Variants in MCOLN2 observed in about 807,000 individuals in gnomAD.
The protein encoded by MCOLN2 is mucolipin-2.
Under a neutral mutation model 67.5 loss-of-function variants are expected in MCOLN2, and 57 were observed. That is an observed-to-expected ratio of 0.84 (90% confidence interval 0.68 to 1.05). The LOEUF (loss-of-function observed/expected upper bound fraction) is 1.05. Ranked by LOEUF, MCOLN2 falls within the 50% of genes least tolerant of loss-of-function variation. The probability of loss-of-function intolerance (pLI) is 0.00; values close to 1 mark genes in which losing one functional copy is unlikely to be tolerated. For missense variants in MCOLN2, 620 were observed against 678.8 expected (o/e 0.91, Z 0.96); for synonymous variants, 246 against 233.3 (o/e 1.05, Z -0.50).
chr1:84,951,487 TAA>T (rs1357450584), intron 6 of MCOLN2, among the ~76,000 whole-genome samples: 1 of 152,076 alleles, frequency 6.6e-6, no homozygotes, highest in Non-Finnish European at 1.5e-5. Context: ...CCTCCCAAAA[TAA>T]AAAGAGAAAC....
intron 1 of MCOLN2, among the ~76,000 whole-genome samples, chr1:84,984,532 T>C (rs1440233569): frequency 6.6e-6 from 1 of 152,254 alleles, no homozygotes; most frequent in African/African-American, 2.4e-5. Context: ...CTTCTTTCTT[T>C]ACTCTCTCAT....
In MCOLN2 at chr1:84,929,608, C is replaced by T. The variant is rs370198725; in HGVS notation, c.1614G>A (p.Glu538=). ...GGAAGGCTGAGGACTCTTTCTGATACTCTTCTTTGCTACTGCATTCCTTCA... is the reference window on the plus strand; with the variant it reads ...GGAAGGCTGAGGACTCTTTCTGATATTCTTCTTTGCTACTGCATTCCTTCA... The part of the protein sequence containing the change: ...EFLKECSSKE[E]YQKESSAFLS... The change falls in exon 13 of 14, where the codon GAG becomes GAA. Residue 538 remains glutamate (E), a synonymous_variant. Coordinates refer to ENST00000370608, the MANE Select transcript of MCOLN2 (RefSeq NM_153259.4). The T allele has an allele frequency of 1.9e-6, 3 of 1,613,836 alleles. No individual in the cohort carries two copies. The highest frequency in any genetic ancestry group is 1.1e-5 in the South Asian group (1 of 91,052).
intron 1 of MCOLN2, among the ~76,000 whole-genome samples, chr1:84,971,215 T>G (rs1183487301): frequency 6.6e-6 from 1 of 152,018 alleles, no homozygotes; most frequent in Non-Finnish European, 1.5e-5. Context: ...ACTAGTCAAC[T>G]GATGAAAAAA....
At chr1:84,929,976 G>A (rs989510193) in intron 12 of MCOLN2, 2 of 215,426 alleles carry the variant, frequency 9.3e-6, no homozygotes, top group African/African-American at 4.7e-5. Flanking sequence ...AAAGTCAAAT[G>A]TCTAGTCTGG....
At chr1:84,956,349 A>T (rs1648789762) in intron 4 of MCOLN2, 82 bp downstream of exon 4, 13 of 1,435,740 alleles carry the variant, frequency 9.1e-6, no homozygotes, top group Non-Finnish European at 1.2e-5. Flanking sequence ...AAGTTTTTCC[A>T]TCTGGGTTGC....
rs772028896 is a variant in MCOLN2 at position 84,938,036 on chromosome 1, G to A, written c.1157C>T (p.Thr386Met). 2.2e-5 allele frequency: 36 copies of A among 1,613,726 alleles called. No homozygotes were observed. The highest frequency in any genetic ancestry group is 1.2e-4 in the Admixed American group (7 of 59,942). The change falls in exon 10 of 14, where the codon ACG becomes ATG. Residue 386 changes from threonine (T) to methionine (M), a missense_variant. Physicochemically the swap from Thr to Met is moderately conservative, Grantham distance 81 (BLOSUM62 -1). Transcript: ENST00000370608. ...GATGACTCCAACCCAAACCAAGAGCGTAGAGGTTCCAAGAAAAATGCTGCA... is the reference window on the plus strand; with the variant it reads ...GATGACTCCAACCCAAACCAAGAGCATAGAGGTTCCAAGAAAAATGCTGCA... ...DLCSIFLGTSTLLVWVGVIRY... is the reference protein window; with the variant it reads ...DLCSIFLGTSMLLVWVGVIRY...
chr1:84,996,262 C>G (rs1399422886), intron 1 of MCOLN2, among the ~76,000 whole-genome samples: 1 of 151,916 alleles, frequency 6.6e-6, no homozygotes. Flanking sequence ...TCCTGACACC[C>G]ATAAGAAACC....
At chr1:84,976,594 C>T (rs958753776) in intron 1 of MCOLN2, among the ~76,000 whole-genome samples, 4 of 152,046 alleles carry the variant, frequency 2.6e-5, no homozygotes, top group Non-Finnish European at 4.4e-5. Context: ...GATGAAACCC[C>T]GTCTCTACTA....
At chr1:84,940,800 C>A in intron 8 of MCOLN2, 79 bp downstream of exon 8, 2 of 863,810 alleles carry the variant, frequency 2.3e-6, no homozygotes, top group South Asian at 3.5e-5. Context: ...GGCAGGTGCA[C>A]AATATCGGTG....
intron 1 of MCOLN2, among the ~76,000 whole-genome samples, chr1:84,980,501 G>C (rs984170902): frequency 3.9e-5 from 6 of 152,096 alleles, no homozygotes; most frequent in African/African-American, 1.2e-4. Flanking sequence ...GAATGGAATA[G>C]AGAACCCAGA....
chr1:84,987,463 TATATATAG>T (rs1357486812), intron 1 of MCOLN2, among the ~76,000 whole-genome samples: 72 of 102,932 alleles, frequency 7.0e-4, no homozygotes, highest in East Asian at 1.1e-3. Flanking sequence ...TACATATATG[TATATATAG>T]ATATATATAC....
chr1:84,948,712 G>A (rs973493991), intron 6 of MCOLN2, among the ~76,000 whole-genome samples: 1 of 152,184 alleles, frequency 6.6e-6, no homozygotes, highest in African/African-American at 2.4e-5. Context: ...ATTTGATTGA[G>A]AAATTCAACA....
In MCOLN2 at chr1:84,958,546, A is replaced by G; in HGVS notation, c.394T>C (p.Phe132Leu). Residue 132 changes from phenylalanine to leucine, a missense_variant, in exon 3 of 14, where the codon TTT becomes CTT. Coordinates refer to ENST00000370608, the MANE Select transcript of MCOLN2 (RefSeq NM_153259.4). The part of the protein sequence containing the change: ...YTQEDAYESI[F>L]FAINQYHQLK... ...ACACTTGCCTGATTAATAGCAAAAA[A>G]GATGCTCTCATAGGCATCCTCTTGA... 1 of 1,602,600 alleles carries G rather than the reference A, an allele frequency of 6.2e-7. No homozygotes were observed. Among genetic ancestry groups the G allele is most frequent in the Non-Finnish European group, 8.5e-7 (1 of 1,177,732 alleles).
At chr1:84,956,341 G>T in intron 4 of MCOLN2, 90 bp downstream of exon 4, 2 of 1,380,494 alleles carry the variant, frequency 1.4e-6, no homozygotes, top group Non-Finnish European at 2.0e-6. Context: ...CCAAAGCAAA[G>T]TTTTTCCATC....
chr1:84,984,430 T>A (rs1034916387), intron 1 of MCOLN2, among the ~76,000 whole-genome samples: 1 of 152,188 alleles, frequency 6.6e-6, no homozygotes, highest in Non-Finnish European at 1.5e-5. Flanking sequence ...ATCTACCTGG[T>A]TGCTTTCTAA....
intron 9 of MCOLN2, among the ~76,000 whole-genome samples, chr1:84,939,001 G>T (rs1024385261): frequency 6.6e-6 from 1 of 152,178 alleles, no homozygotes; most frequent in Non-Finnish European, 1.5e-5. Flanking sequence ...AGAGGGAGCC[G>T]GGATGGGAGA....
chr1:84,939,539 T>A lies in MCOLN2; in HGVS notation c.1110+14A>T. ...GAAGATGAAGAACAGAGACTTTAAA[T>A]GGGCTTCCCTCACCTTTGCTTTGAT... On this transcript the variant is annotated intron_variant, in intron 9 of 13. Coordinates refer to ENST00000370608, the MANE Select transcript of MCOLN2 (RefSeq NM_153259.4). 4 of 1,613,002 alleles carry A rather than the reference T, an allele frequency of 2.5e-6. No individual in the cohort carries two copies. The highest frequency in any genetic ancestry group is 2.2e-5 in the East Asian group (1 of 44,844).
intron 11 of MCOLN2, chr1:84,937,336 T>G: frequency 6.5e-6 from 1 of 154,360 alleles, no homozygotes; most frequent in Non-Finnish European, 1.4e-5. Flanking sequence ...CTATGGTCGT[T>G]TTAGGCAGTC....
At position 84,985,099 on chromosome 1, in the gene MCOLN2, A is replaced by G. The variant is rs74602372; in HGVS notation, c.77+11697T>C. Among the ~76,000 whole-genome samples the G allele has an allele frequency of 7.5e-5, 11 of 147,006 alleles. No individual in the cohort carries two copies. The East Asian group carries it at 9.8e-4, about 13-fold the overall frequency. ...ACATGGTCATATTATCAAAATGAGGAAAAAAAAAAAAGTAAAGCCATCTGA... is the reference window on the plus strand; with the variant it reads ...ACATGGTCATATTATCAAAATGAGGGAAAAAAAAAAAGTAAAGCCATCTGA... On this transcript the variant is annotated intron_variant, in intron 1 of 13. Transcript: ENST00000370608.
Sources: allele counts gnomAD v4.1 joint callset (sites outside exome capture counted in the v4.1 genomes callset), GRCh38; gene constraint gnomAD v4.1.1; transcripts MANE v1.5; gene names NCBI Gene and HGNC (gene_info 2026-07-23, HGNC 2026-07-21).